The following EXOC6B variants were observed in gnomAD, a reference collection of about 807,000 sequenced individuals.
EXOC6B encodes SEC15 homolog B.
In EXOC6B, 54 loss-of-function variants were observed where a neutral mutation model predicts 113.5. That is an observed-to-expected ratio of 0.48 (90% CI 0.38 to 0.60). EXOC6B has a LOEUF of 0.60. Ranked by LOEUF, EXOC6B falls within the 20% of genes least tolerant of loss-of-function variation. EXOC6B has a pLI of 0.00. For synonymous variants in EXOC6B, 357 were observed against 339.0 expected (o/e 1.05, Z -0.58); for missense variants, 797 against 977.5 (o/e 0.82, Z 2.46).
rs1701179736 is a variant in EXOC6B, at chr2:72,515,719, T to C, written c.916-593A>G. The C allele has an allele frequency of 3.0e-6, 3 of 987,080 alleles. No homozygotes were observed. The African/African-American group carries it at 5.2e-5, about 17-fold the overall frequency. The allele number at this position is 987,080 out of a possible 1,614,324, so 61.1% of individuals were successfully genotyped here. On this transcript the variant is annotated intron_variant, in intron 8 of 21. Coordinates refer to ENST00000272427, the MANE Select transcript of EXOC6B (RefSeq NM_015189.3). ...TTAAAATGAGAAGTGCTCTACATAA[T>C]AATATCTGACTCATGAGCTGTGTAC...
At chr2:72,787,423 C>T (rs369124425) in intron 1 of EXOC6B, among the ~76,000 whole-genome samples, 1 of 152,006 alleles carries the variant, frequency 6.6e-6, no homozygotes, top group African/African-American at 2.4e-5. Context: ...TGGTCTCGAA[C>T]TCCTGATCTC....
At chr2:72,677,560 G>A (rs1676404460) in intron 6 of EXOC6B, among the ~76,000 whole-genome samples, 3 of 152,072 alleles carry the variant, frequency 2.0e-5, no homozygotes. Flanking sequence ...TCTGGATCCT[G>A]TCCAAAACAC....
intron 6 of EXOC6B, among the ~76,000 whole-genome samples, chr2:72,626,741 G>T (rs1048701097): frequency 2.0e-4 from 30 of 152,080 alleles, no homozygotes; most frequent in African/African-American, 7.0e-4. Flanking sequence ...ATTAAACACT[G>T]CCAAGTATGA....
chr2:72,314,251 T>C (rs1687378725), intron 20 of EXOC6B, among the ~76,000 whole-genome samples: 1 of 152,144 alleles, frequency 6.6e-6, no homozygotes, highest in South Asian at 2.1e-4. Flanking sequence ...AATCGCCTGG[T>C]TATCAACTAA....
intron 6 of EXOC6B, among the ~76,000 whole-genome samples, chr2:72,644,452 T>A (rs946420018): frequency 6.6e-6 from 1 of 151,922 alleles, no homozygotes; most frequent in African/African-American, 2.4e-5. Flanking sequence ...ACAAAGATAC[T>A]CCTTGAGAAG....
chr2:72,235,019 T>C (rs1199227955), intron 20 of EXOC6B, among the ~76,000 whole-genome samples: 2 of 152,152 alleles, frequency 1.3e-5, no homozygotes, highest in African/African-American at 4.8e-5. Context: ...AGCAGAAGTA[T>C]CATTTGAGCC....
chr2:72,530,566 A>G (rs1396042691), intron 8 of EXOC6B, among the ~76,000 whole-genome samples: 1 of 152,106 alleles, frequency 6.6e-6, no homozygotes, highest in Non-Finnish European at 1.5e-5. Context: ...TGTTATGTAC[A>G]GTGTTCTATA....
intron 18 of EXOC6B, among the ~76,000 whole-genome samples, chr2:72,384,813 A>G (rs59974816): frequency 0.2 from 30,524 of 151,960 alleles, 5,674 homozygotes; most frequent in African/African-American, 0.5. Flanking sequence ...AAAGAGATAA[A>G]ATATTTGTAT....
At chr2:72,395,730 T>C (rs1032391407) in intron 18 of EXOC6B, among the ~76,000 whole-genome samples, 1 of 152,160 alleles carries the variant, frequency 6.6e-6, no homozygotes, top group Non-Finnish European at 1.5e-5. Flanking sequence ...CTTTTAGTTA[T>C]GTGACCTTTG....
At chr2:72,499,567 A>C (rs1700214678) in intron 12 of EXOC6B, among the ~76,000 whole-genome samples, 1 of 143,412 alleles carries the variant, frequency 7.0e-6, no homozygotes, top group Admixed American at 7.1e-5. Context: ...GGTCTCTATC[A>C]CCCATGCAGG....
intron 2 of EXOC6B, among the ~76,000 whole-genome samples, chr2:72,738,259 A>G (rs540607349): frequency 5.1e-4 from 77 of 152,334 alleles, no homozygotes; most frequent in African/African-American, 1.8e-3. Context: ...CAAACTATTC[A>G]TGAGATTCTG....
In EXOC6B at chr2:72,382,324, C is replaced by T. The variant is rs1435411477; in HGVS notation, c.1981-2454G>A. Reference sequence around the variant, plus strand: ...CATCGCTTGCTTTTGTCAGCTTTGTCGAAGATCAGATGGTCGTAAGTGTGT... The same window carrying T: ...CATCGCTTGCTTTTGTCAGCTTTGTTGAAGATCAGATGGTCGTAAGTGTGT... On this transcript the variant is annotated intron_variant, in intron 18 of 21. Transcript: ENST00000272427. Among the ~76,000 whole-genome samples the T allele has an allele frequency of 2.6e-5, 4 of 152,058 alleles. No individual in the cohort carries two copies. In the East Asian group the frequency reaches 5.8e-4, roughly 22 times the overall value.
intron 6 of EXOC6B, among the ~76,000 whole-genome samples, chr2:72,580,288 C>T (rs553420465): frequency 5.9e-5 from 9 of 151,644 alleles, no homozygotes; most frequent in Admixed American, 2.0e-4. Context: ...ATTACAGGCA[C>T]GTGCCACCAT....
intron 6 of EXOC6B, among the ~76,000 whole-genome samples, chr2:72,632,445 G>T (rs1672533956): frequency 6.6e-6 from 1 of 152,038 alleles, no homozygotes; most frequent in Non-Finnish European, 1.5e-5. Context: ...CCATCTCTCA[G>T]AATCTATCCT....
chr2:72,432,315 C>T (rs1247631329), intron 18 of EXOC6B, among the ~76,000 whole-genome samples: 1 of 152,170 alleles, frequency 6.6e-6, no homozygotes, highest in African/African-American at 2.4e-5. Flanking sequence ...TTTCTTTATC[C>T]AGTCTATCAC....
chr2:72,792,593 G>A (rs553689749), intron 1 of EXOC6B, among the ~76,000 whole-genome samples: 7 of 152,194 alleles, frequency 4.6e-5, no homozygotes, highest in African/African-American at 1.7e-4. Context: ...TACACTTAGT[G>A]TTTACTATGA....
chr2:72,757,479 G>C (rs1307527699), intron 1 of EXOC6B, among the ~76,000 whole-genome samples: 1 of 152,190 alleles, frequency 6.6e-6, no homozygotes, highest in Non-Finnish European at 1.5e-5. Flanking sequence ...CCTAGCAACA[G>C]CTATCTCCCC....
intron 20 of EXOC6B, among the ~76,000 whole-genome samples, chr2:72,250,434 A>C (rs1396636524): frequency 6.6e-6 from 1 of 151,938 alleles, no homozygotes; most frequent in Non-Finnish European, 1.5e-5. Flanking sequence ...CTTCTGCCTC[A>C]TGAGCTCAAG....
intron 6 of EXOC6B, among the ~76,000 whole-genome samples, chr2:72,645,020 G>T (rs1002233737): frequency 6.6e-6 from 1 of 152,158 alleles, no homozygotes; most frequent in Non-Finnish European, 1.5e-5. Flanking sequence ...AGATCCATCA[G>T]TGTGCTGTAT....
Sources: gnomAD v4.1 joint callset for allele counts (sites outside exome capture counted in the v4.1 genomes callset) on GRCh38, gnomAD v4.1.1 for gene constraint, MANE v1.5 for transcripts, NCBI Gene and HGNC (gene_info 2026-07-23, HGNC 2026-07-21) for gene names.